The following PPP1R12B variants were observed in gnomAD, a reference collection of about 807,000 sequenced individuals.
PPP1R12B encodes the protein myosin phosphatase target subunit 2.
In PPP1R12B, 76 loss-of-function variants were observed where a neutral mutation model predicts 126.1. The observed-to-expected ratio is 0.60, with a 90% CI of 0.50 to 0.73. The LOEUF is 0.73. PPP1R12B is among the 30% of genes least tolerant of loss of function. The probability of loss-of-function intolerance (pLI) is 0.00; values close to 1 mark genes in which losing one functional copy is unlikely to be tolerated. For missense variants in PPP1R12B, 1,052 were observed against 1,205.1 expected (o/e 0.87, Z 1.88); for synonymous variants, 356 against 434.7 (o/e 0.82, Z 2.25).
chr1:202,459,073 A>T (rs536646876), intron 13 of PPP1R12B, among the ~76,000 whole-genome samples: 1 of 152,222 alleles, frequency 6.6e-6, no homozygotes, highest in African/African-American at 2.4e-5. Context: ...CAATTGGCCA[A>T]TGATCAGTCT....
At chr1:202,377,538 C>T (rs1189828723) in intron 1 of PPP1R12B, among the ~76,000 whole-genome samples, 1 of 151,660 alleles carries the variant, frequency 6.6e-6, no homozygotes, top group Non-Finnish European at 1.5e-5. Context: ...TCTCCCGACA[C>T]CATGATCCGC....
intron 13 of PPP1R12B, among the ~76,000 whole-genome samples, chr1:202,469,702 T>A (rs1387317593): frequency 6.6e-6 from 1 of 151,972 alleles, no homozygotes; most frequent in Non-Finnish European, 1.5e-5. Flanking sequence ...GAAAAAAAAA[T>A]ATGCCACCGA....
chr1:202,577,909 G>A (rs1294233543), intron 23 of PPP1R12B, among the ~76,000 whole-genome samples: 1 of 152,184 alleles, frequency 6.6e-6, no homozygotes, highest in Non-Finnish European at 1.5e-5. Flanking sequence ...AAGAAACTAA[G>A]ATCCAGAGAG....
chr1:202,551,249 T>C (rs1306041704), intron 18 of PPP1R12B, among the ~76,000 whole-genome samples: 1 of 152,244 alleles, frequency 6.6e-6, no homozygotes, highest in South Asian at 2.1e-4. Flanking sequence ...TTTAACTTTT[T>C]GTTCTATATG....
At chr1:202,452,179 T>G (rs1448332613) in intron 13 of PPP1R12B, among the ~76,000 whole-genome samples, 1 of 152,128 alleles carries the variant, frequency 6.6e-6, no homozygotes, top group African/African-American at 2.4e-5. Flanking sequence ...ATCTCGGCAC[T>G]TTGGGAGGCC....
chr1:202,408,116 C>T (rs1452329955), intron 1 of PPP1R12B, among the ~76,000 whole-genome samples: 1 of 152,130 alleles, frequency 6.6e-6, no homozygotes, highest in Non-Finnish European at 1.5e-5. Flanking sequence ...GGGGGTCTTG[C>T]AACCAGTTCC....
Position 202,454,230 on chromosome 1 carries a change from A to G in PPP1R12B, c.1850+5059A>G, listed in dbSNP as rs182736170. Among the ~76,000 whole-genome samples, 27 of 152,352 alleles carry G rather than the reference A, an allele frequency of 1.8e-4. No homozygotes were observed. The East Asian group carries it at 5.2e-3, about 29-fold the overall frequency. ...TGTTGTAACCTACAATCAATAAGAT[A>G]GTACCTGTAACAGAGACCAGATATA... On this transcript the variant is annotated intron_variant, in intron 13 of 23. Transcript: ENST00000608999.
At chr1:202,479,224 A>G (rs550724680) in intron 13 of PPP1R12B, among the ~76,000 whole-genome samples, 82 of 152,332 alleles carry the variant, frequency 5.4e-4, no homozygotes, top group Admixed American at 1.4e-3. Context: ...ACCTTGAGGG[A>G]AAAAATATGA....
intron 8 of PPP1R12B, among the ~76,000 whole-genome samples, chr1:202,432,555 C>T (rs753664839): frequency 6.6e-6 from 1 of 152,232 alleles, no homozygotes; most frequent in Non-Finnish European, 1.5e-5. Context: ...GCATGAGCCA[C>T]TGCACCTGGC....
intron 18 of PPP1R12B, among the ~76,000 whole-genome samples, chr1:202,500,181 T>C (rs914458982): frequency 6.6e-6 from 1 of 152,014 alleles, no homozygotes; most frequent in Non-Finnish European, 1.5e-5. Context: ...GGTGGTCTAG[T>C]GGTTAGGATT....
At chr1:202,480,549 T>C (rs1463940500) in intron 13 of PPP1R12B, among the ~76,000 whole-genome samples, 3 of 152,186 alleles carry the variant, frequency 2.0e-5, no homozygotes, top group African/African-American at 2.4e-5. Context: ...AGTCAACCCA[T>C]TGAGTATTTG....
intron 19 of PPP1R12B, among the ~76,000 whole-genome samples, chr1:202,559,136 A>G (rs188022853): frequency 4.6e-5 from 7 of 152,196 alleles, no homozygotes; most frequent in Non-Finnish European, 7.4e-5. Flanking sequence ...GTAGACTTCC[A>G]CTAGATTAAT....
chr1:202,518,689 TTTTC>T (rs1202024332), intron 18 of PPP1R12B, among the ~76,000 whole-genome samples: 3 of 152,260 alleles, frequency 2.0e-5, no homozygotes, highest in African/African-American at 2.4e-5. Context: ...TTTTTTCTGC[TTTTC>T]TTTATTTCCC....
intron 18 of PPP1R12B, among the ~76,000 whole-genome samples, chr1:202,544,770 A>G (rs1685484708): frequency 1.3e-5 from 2 of 152,256 alleles, no homozygotes; most frequent in Admixed American, 1.3e-4. Flanking sequence ...TCAGTCAGCC[A>G]TTAATGTGCA....
rs868563548 is a variant in PPP1R12B, at chr1:202,440,717, C to A, written c.1470C>A (p.Asn490Lys). The A allele has an allele frequency of 5.0e-6, 8 of 1,612,560 alleles. No individual in the cohort carries two copies. Among genetic ancestry groups the A allele is most frequent in the Non-Finnish European group, 6.8e-6 (8 of 1,178,882 alleles). The change falls in exon 11 of 24, where the codon AAC (asparagine) becomes AAA (lysine). Residue 490 changes from asparagine to lysine, a missense_variant. Coordinates refer to ENST00000608999, the MANE Select transcript of PPP1R12B (RefSeq NM_002481.4). ...TTTTTATTTTACAGGAGAGAGAAAA[C>A]AAAAGCTATATTAGTTCACTAGCAC... ...LLDNKDKERE[N>K]KSYISSLAPR...
At chr1:202,353,852 ATCC>A (rs1656529495) in intron 1 of PPP1R12B, among the ~76,000 whole-genome samples, 1 of 151,880 alleles carries the variant, frequency 6.6e-6, no homozygotes, top group Admixed American at 6.6e-5. Flanking sequence ...GGCTAAAACA[ATCC>A]TCCCCCCTCG....
At chr1:202,503,139 G>A (rs1477992217) in intron 18 of PPP1R12B, among the ~76,000 whole-genome samples, 3 of 152,170 alleles carry the variant, frequency 2.0e-5, no homozygotes, top group Non-Finnish European at 2.9e-5. Flanking sequence ...GAAAACTGAC[G>A]GTGGTTTGTA....
intron 1 of PPP1R12B, among the ~76,000 whole-genome samples, chr1:202,398,971 A>G (rs867864779): frequency 6.4e-4 from 98 of 152,108 alleles, no homozygotes; most frequent in African/African-American, 2.1e-3. Context: ...TTTTCCCCTC[A>G]CTACTAAACA....
At chr1:202,445,978 G>C (rs540237321) in intron 12 of PPP1R12B, among the ~76,000 whole-genome samples, 2 of 152,038 alleles carry the variant, frequency 1.3e-5, no homozygotes, top group Non-Finnish European at 2.9e-5. Flanking sequence ...AGGAACACCA[G>C]TGATGGTGCT....
Sources: allele counts gnomAD v4.1 joint callset (sites outside exome capture counted in the v4.1 genomes callset), GRCh38; gene constraint gnomAD v4.1.1; transcripts MANE v1.5; gene names NCBI Gene and HGNC (gene_info 2026-07-23, HGNC 2026-07-21).